Variants in CNTN5 observed in about 807,000 individuals in gnomAD.
CNTN5 encodes contactin 5.
Under a neutral mutation model 129.1 loss-of-function variants are expected in CNTN5, and 77 were observed. The ratio of observed to expected loss-of-function variants is 0.60; its 90% CI spans 0.50 to 0.72. CNTN5 has a LOEUF of 0.72. Among genes scored for constraint, CNTN5 ranks in the 30% least tolerant of loss-of-function variants. The pLI is 0.00. For missense variants in CNTN5, 1,478 were observed against 1,328.8 expected (o/e 1.11, Z -1.75); for synonymous variants, 509 against 465.6 (o/e 1.09, Z -1.20).
chr11:99,802,191 G>A (rs1053296672), intron 3 of CNTN5, among the ~76,000 whole-genome samples: 1 of 152,170 alleles, frequency 6.6e-6, no homozygotes, highest in African/African-American at 2.4e-5. Flanking sequence ...AAATTGGGCT[G>A]TTCAGTTTGA....
chr11:100,179,425 C>T (rs1948070501), intron 13 of CNTN5, among the ~76,000 whole-genome samples: 1 of 152,088 alleles, frequency 6.6e-6, no homozygotes, highest in African/African-American at 2.4e-5. Flanking sequence ...TAAGCATAAC[C>T]TTCCTATTCT....
intron 3 of CNTN5, among the ~76,000 whole-genome samples, chr11:99,771,664 G>A (rs769137615): frequency 2.6e-5 from 4 of 152,044 alleles, no homozygotes; most frequent in Admixed American, 6.6e-5. Context: ...ATGAGGAGAC[G>A]TTGGTCAGAA....
At chr11:99,417,297 G>A (rs1942702069) in intron 2 of CNTN5, among the ~76,000 whole-genome samples, 1 of 152,118 alleles carries the variant, frequency 6.6e-6, no homozygotes. Context: ...GACAGGCAAA[G>A]CTTGATTTGT....
At chr11:100,337,109 C>T in intron 21 of CNTN5, 1 of 1,394,724 alleles carries the variant, frequency 7.2e-7, no homozygotes, top group South Asian at 1.2e-5. Context: ...GCAGAGAAGA[C>T]TTCAACCAAC....
At chr11:99,691,979 C>T (rs1954057632) in intron 3 of CNTN5, among the ~76,000 whole-genome samples, 1 of 151,996 alleles carries the variant, frequency 6.6e-6, no homozygotes, top group African/African-American at 2.4e-5. Context: ...TGAATTGAAC[C>T]CTTTACCATT....
intron 9 of CNTN5, among the ~76,000 whole-genome samples, chr11:100,047,654 G>A (rs1942753293): frequency 6.6e-6 from 1 of 152,150 alleles, no homozygotes; most frequent in South Asian, 2.1e-4. Flanking sequence ...GTTAATTTTA[G>A]ATGTCAACTT....
chr11:99,425,515 T>G (rs1369878722), intron 2 of CNTN5, among the ~76,000 whole-genome samples: 1 of 152,148 alleles, frequency 6.6e-6, no homozygotes, highest in African/African-American at 2.4e-5. Flanking sequence ...GACAAGGTGG[T>G]GGGGTGGGGG....
chr11:100,032,058 A>G (rs535751418), intron 9 of CNTN5, among the ~76,000 whole-genome samples: 47 of 152,304 alleles, frequency 3.1e-4, no homozygotes, highest in African/African-American at 1.1e-3. Flanking sequence ...GCCAGATCCC[A>G]CAATAAAAGT....
chr11:99,501,284 A>G (rs944649370), intron 2 of CNTN5, among the ~76,000 whole-genome samples: 1 of 152,208 alleles, frequency 6.6e-6, no homozygotes, highest in African/African-American at 2.4e-5. Flanking sequence ...CTTTATAGTA[A>G]TGGTTGTTCT....
chr11:99,811,880 AACT>A lies in CNTN5; in HGVS notation c.56-7662_56-7660del, dbSNP rs145585642. Among the ~76,000 whole-genome samples, 1,406 of 152,274 alleles carry A rather than the reference AACT, an allele frequency of 9.2e-3. 56 individuals carry two copies. In the East Asian group the frequency reaches 0.11, roughly 12 times the overall value. Reference sequence around the variant, plus strand: ...ATAGAAAAAGAAATGATTAACATGTAACTAGATTTAGCTGACATCTTCAGCATA... The same window carrying A: ...ATAGAAAAAGAAATGATTAACATGTAAGATTTAGCTGACATCTTCAGCATA... On this transcript the variant is annotated intron_variant, in intron 3 of 24. Transcript: ENST00000524871.
intron 1 of CNTN5, among the ~76,000 whole-genome samples, chr11:99,281,334 A>G (rs2510684): frequency 0.014 from 2,097 of 152,142 alleles, 48 homozygotes; most frequent in African/African-American, 0.047. Flanking sequence ...ATACCATGAA[A>G]CAAAACTGCC....
intron 16 of CNTN5, among the ~76,000 whole-genome samples, chr11:100,250,792 AT>A (rs1304353210): frequency 2.0e-5 from 3 of 152,154 alleles, no homozygotes; most frequent in Admixed American, 6.6e-5. Context: ...TATGAAAGCA[AT>A]ATACCCTTCT....
At chr11:100,183,787 A>G (rs1394272233) in intron 13 of CNTN5, among the ~76,000 whole-genome samples, 1 of 152,164 alleles carries the variant, frequency 6.6e-6, no homozygotes, top group African/African-American at 2.4e-5. Context: ...ATAACTCAGT[A>G]AAGTTGTTGA....
chr11:99,742,529 A>G (rs1943919076), intron 3 of CNTN5, among the ~76,000 whole-genome samples: 1 of 152,156 alleles, frequency 6.6e-6, no homozygotes, highest in South Asian at 2.1e-4. Context: ...GAAGGAGGAA[A>G]AAACAATCTC....
chr11:100,286,874 T>C (rs1040003723), intron 18 of CNTN5, among the ~76,000 whole-genome samples: 2 of 151,668 alleles, frequency 1.3e-5, no homozygotes, highest in African/African-American at 4.8e-5. Context: ...TTTAGAAGAA[T>C]GTATAACTAG....
intron 6 of CNTN5, among the ~76,000 whole-genome samples, chr11:99,851,886 A>T (rs79622433): frequency 6.6e-6 from 1 of 152,172 alleles, no homozygotes; most frequent in Non-Finnish European, 1.5e-5. Flanking sequence ...TTTTCTCCTA[A>T]GGTAAAATTG....
intron 8 of CNTN5, 117 bp from the exon 9 acceptor site, chr11:100,001,917 A>T (rs1396608700): frequency 1.4e-6 from 1 of 698,768 alleles, no homozygotes; most frequent in African/African-American, 1.9e-5. Context: ...AAAATTTAAC[A>T]GTCATCAAAC....
chr11:100,227,160 C>A (rs1949393931), intron 16 of CNTN5, among the ~76,000 whole-genome samples: 1 of 152,098 alleles, frequency 6.6e-6, no homozygotes, highest in South Asian at 2.1e-4. Flanking sequence ...ACTTGGATGG[C>A]AAGGATTATG....
At chr11:99,477,673 G>A (rs184312724) in intron 2 of CNTN5, among the ~76,000 whole-genome samples, 1 of 151,954 alleles carries the variant, frequency 6.6e-6, no homozygotes, top group Admixed American at 6.6e-5. Flanking sequence ...TCAGGGGCCG[G>A]GTGCAGTGGC....
Sources: gnomAD v4.1 joint callset for allele counts (sites outside exome capture counted in the v4.1 genomes callset) on GRCh38, gnomAD v4.1.1 for gene constraint, MANE v1.5 for transcripts, NCBI Gene and HGNC (gene_info 2026-07-23, HGNC 2026-07-21) for gene names.